The following EXOC6B variants were observed in gnomAD, a reference collection of about 807,000 sequenced individuals.
EXOC6B encodes the protein SEC15 homolog B.
EXOC6B carries 54 observed loss-of-function variants against 113.5 expected under a neutral mutation model. The observed-to-expected ratio is 0.48, with a 90% CI of 0.38 to 0.60. The LOEUF (loss-of-function observed/expected upper bound fraction) is 0.60, where lower values mean the gene tolerates loss of function less well. Among genes scored for constraint, EXOC6B ranks in the 20% least tolerant of loss-of-function variants. EXOC6B has a pLI of 0.00. For missense variants in EXOC6B, 797 were observed against 977.5 expected, an observed-to-expected ratio of 0.82 and a Z score of 2.46; for synonymous variants, 357 against 339.0, an observed-to-expected ratio of 1.05 and a Z score of -0.58.
At chr2:72,372,772 G>A (rs1213701511) in intron 19 of EXOC6B, among the ~76,000 whole-genome samples, 2 of 152,004 alleles carry the variant, frequency 1.3e-5, no homozygotes, top group Non-Finnish European at 2.9e-5. Context: ...TTGAACCTGG[G>A]AGGCAGAATT....
At chr2:72,482,063 G>A (rs1052648109) in intron 16 of EXOC6B, among the ~76,000 whole-genome samples, 5 of 152,062 alleles carry the variant, frequency 3.3e-5, no homozygotes, top group African/African-American at 4.8e-5. Context: ...CTAATACTAC[G>A]TCCTGTACCT....
At chr2:72,646,940 G>A (rs1012852557) in intron 6 of EXOC6B, among the ~76,000 whole-genome samples, 1 of 152,206 alleles carries the variant, frequency 6.6e-6, no homozygotes, top group Admixed American at 6.5e-5. Context: ...AATGTTGGAA[G>A]TTCTGGCCAG....
At chr2:72,253,420 C>T (rs1178599697) in intron 20 of EXOC6B, among the ~76,000 whole-genome samples, 2 of 152,156 alleles carry the variant, frequency 1.3e-5, no homozygotes, top group Non-Finnish European at 2.9e-5. Flanking sequence ...GCACTATTCA[C>T]AATAGCAAAG....
At chr2:72,790,414 G>A (rs568980692) in intron 1 of EXOC6B, among the ~76,000 whole-genome samples, 3 of 152,190 alleles carry the variant, frequency 2.0e-5, no homozygotes, top group Admixed American at 6.5e-5. Flanking sequence ...TTCAACTGCA[G>A]GGAGAATAAA....
At chr2:72,403,130 C>A (rs1693459828) in intron 18 of EXOC6B, among the ~76,000 whole-genome samples, 1 of 152,198 alleles carries the variant, frequency 6.6e-6, no homozygotes, top group Non-Finnish European at 1.5e-5. Flanking sequence ...TAAGTCTTTT[C>A]TGAGTGTATT....
intron 20 of EXOC6B, among the ~76,000 whole-genome samples, chr2:72,315,715 T>C (rs1266532858): frequency 6.6e-6 from 1 of 152,142 alleles, no homozygotes. Context: ...CCATAGTTTC[T>C]AGTCCTAGAA....
chr2:72,350,547 T>A (rs1006271495), intron 19 of EXOC6B, among the ~76,000 whole-genome samples: 1 of 152,192 alleles, frequency 6.6e-6, no homozygotes, highest in Non-Finnish European at 1.5e-5. Flanking sequence ...AGAGCTCAGT[T>A]TGATGTGGTG....
chr2:72,213,039 T>C (rs1680294439), intron 20 of EXOC6B, among the ~76,000 whole-genome samples: 1 of 152,214 alleles, frequency 6.6e-6, no homozygotes, highest in East Asian at 1.9e-4. Flanking sequence ...ATAGACCTTC[T>C]GAGGCTGGGC....
At chr2:72,378,992 A>G (rs1361021623) in intron 19 of EXOC6B, among the ~76,000 whole-genome samples, 5 of 152,322 alleles carry the variant, frequency 3.3e-5, no homozygotes, top group African/African-American at 1.2e-4. Context: ...GCAGTGTTTT[A>G]TTCAATGAGA....
intron 6 of EXOC6B, among the ~76,000 whole-genome samples, chr2:72,682,856 A>G (rs980231622): frequency 6.6e-6 from 1 of 152,184 alleles, no homozygotes; most frequent in African/African-American, 2.4e-5. Flanking sequence ...TCAGGTAAAC[A>G]CTGGATGAGA....
intron 17 of EXOC6B, among the ~76,000 whole-genome samples, chr2:72,469,163 T>G (rs1228981726): frequency 6.6e-6 from 1 of 152,142 alleles, no homozygotes; most frequent in Non-Finnish European, 1.5e-5. Context: ...TACTTAAAAA[T>G]GCATAATGTC....
At chr2:72,704,416 A>G (rs1456107438) in intron 6 of EXOC6B, among the ~76,000 whole-genome samples, 1 of 148,684 alleles carries the variant, frequency 6.7e-6, no homozygotes, top group African/African-American at 2.5e-5. Flanking sequence ...CAATTAAAAG[A>G]ACTAGAAAAG....
At chr2:72,448,819 G>T (rs1191849345) in intron 18 of EXOC6B, among the ~76,000 whole-genome samples, 1 of 152,174 alleles carries the variant, frequency 6.6e-6, no homozygotes, top group African/African-American at 2.4e-5. Context: ...ACTAACCACA[G>T]ATCATTTCAC....
intron 2 of EXOC6B, among the ~76,000 whole-genome samples, chr2:72,737,947 A>G (rs940569653): frequency 2.6e-5 from 4 of 152,182 alleles, no homozygotes; most frequent in Non-Finnish European, 5.9e-5. Context: ...TATGTTTAGA[A>G]CATTTCTATA....
intron 6 of EXOC6B, among the ~76,000 whole-genome samples, chr2:72,658,378 T>C (rs897703735): frequency 2.0e-5 from 3 of 151,310 alleles, no homozygotes; most frequent in African/African-American, 7.3e-5. Context: ...CCAAAAATAC[T>C]TTTCTTAATG....
chr2:72,723,889 T>C (rs1333987355), intron 5 of EXOC6B, among the ~76,000 whole-genome samples: 1 of 152,140 alleles, frequency 6.6e-6, no homozygotes, highest in African/African-American at 2.4e-5. Flanking sequence ...AGAACTGCTA[T>C]CTCTGTAAAA....
At chr2:72,220,753 C>T (rs1384752775) in intron 20 of EXOC6B, among the ~76,000 whole-genome samples, 2 of 152,172 alleles carry the variant, frequency 1.3e-5, no homozygotes, top group Admixed American at 1.3e-4. Context: ...GCACGATACA[C>T]TACTGCTGTA....
intron 18 of EXOC6B, among the ~76,000 whole-genome samples, chr2:72,420,831 G>T (rs1694828365): frequency 6.6e-6 from 1 of 152,118 alleles, no homozygotes; most frequent in Non-Finnish European, 1.5e-5. Context: ...CACAATGGTT[G>T]AACTAATTTA....
At chr2:72,527,193 G>A (rs1701783845) in intron 8 of EXOC6B, among the ~76,000 whole-genome samples, 1 of 151,866 alleles carries the variant, frequency 6.6e-6, no homozygotes, top group South Asian at 2.1e-4. Flanking sequence ...AATTAATGGG[G>A]TATCCATCCT....
Sources: gnomAD v4.1 joint callset for allele counts (sites outside exome capture counted in the v4.1 genomes callset) on GRCh38, gnomAD v4.1.1 for gene constraint, MANE v1.5 for transcripts, NCBI Gene and HGNC (gene_info 2026-07-23, HGNC 2026-07-21) for gene names.